RASGRF1: variants seen among roughly 807,000 people sequenced by gnomAD.
RASGRF1 encodes ras-specific guanine nucleotide-releasing factor 1.
A neutral mutation model predicts 138.7 loss-of-function variants in RASGRF1; 40 were observed. That is an observed-to-expected ratio of 0.29 (90% CI 0.22 to 0.38). The LOEUF (loss-of-function observed/expected upper bound fraction) is 0.38. Ranked by LOEUF, RASGRF1 falls within the 10% of genes least tolerant of loss-of-function variation. RASGRF1 has a pLI of 1.00. For missense variants in RASGRF1, 1,108 were observed against 1,650.4 expected (o/e 0.67, Z 5.69); for synonymous variants, 614 against 663.2 (o/e 0.93, Z 1.14).
At chr15:79,017,680 C>A (rs544834865) in intron 12 of RASGRF1, 90 bp downstream of exon 12, 7 of 1,401,348 alleles carry the variant, frequency 5.0e-6, no homozygotes, top group Admixed American at 4.7e-5. Context: ...TACTCCACCA[C>A]CCCCACCCCC....
Position 78,973,350 on chromosome 15 carries a change from G to A in RASGRF1, c.3565C>T (p.Pro1189Ser). ...TDLAFIEEGT[P>S]NYTEDGLVNF... ...ACCAGGCCGTCTTCCGTGTAATTGGGCGTCCCCTCCTCGATGAAGGCCAGG... is the reference window on the plus strand; with the variant it reads ...ACCAGGCCGTCTTCCGTGTAATTGGACGTCCCCTCCTCGATGAAGGCCAGG... The change falls in exon 25 of 27, where the codon CCC becomes TCC. Residue 1189 changes from proline (P) to serine (S), a missense_variant. Pro to Ser is a moderately conservative substitution (Grantham distance 74). This residue lies in a region of RASGRF1 where 686 missense variants were observed against 976.7 expected (regional missense o/e 0.70). Coordinates refer to ENST00000558480, the MANE Select transcript of RASGRF1 (RefSeq NM_001145648.3). The surrounding 1 kb of genome is among the most constrained non-coding windows in gnomAD (Gnocchi z 4.9). The A allele has an allele frequency of 6.2e-7, 1 of 1,613,938 alleles. No individual in the cohort carries two copies. The highest frequency in any genetic ancestry group is 8.5e-7 in the Non-Finnish European group (1 of 1,179,906).
At chr15:79,067,837 A>G (rs1243763332) in intron 1 of RASGRF1, among the ~76,000 whole-genome samples, 1 of 152,106 alleles carries the variant, frequency 6.6e-6, no homozygotes. Flanking sequence ...GGAGAAGCCT[A>G]CAGAGACACA....
Position 79,027,498 on chromosome 15 carries a change from C to T in RASGRF1, c.1381+243G>A, listed in dbSNP as rs2057076923. On this transcript the variant is annotated intron_variant, in intron 9 of 26. Coordinates refer to ENST00000558480, the MANE Select transcript of RASGRF1 (RefSeq NM_001145648.3). The surrounding 1 kb of genome is among the most constrained non-coding windows in gnomAD (Gnocchi z 4.8). Reference sequence around the variant, plus strand: ...AAACCAAGGCCATCTGGGTAGAATTCTGTTTACATCTGGAGAGAAGGAAAC... The same window carrying T: ...AAACCAAGGCCATCTGGGTAGAATTTTGTTTACATCTGGAGAGAAGGAAAC... Among the ~76,000 whole-genome samples, 1 of 152,224 alleles carries T rather than the reference C, an allele frequency of 6.6e-6. No individual in the cohort carries two copies. The highest frequency in any genetic ancestry group is 1.5e-5 in the Non-Finnish European group (1 of 68,040).
At chr15:79,084,918 G>A (rs1411190300) in intron 1 of RASGRF1, among the ~76,000 whole-genome samples, 3 of 152,098 alleles carry the variant, frequency 2.0e-5, no homozygotes, top group African/African-American at 4.8e-5. Context: ...TTTTCCACGT[G>A]AGTGTCTCTT....
chr15:78,978,611 G>T (rs1158250689), intron 24 of RASGRF1: 1 of 994,186 alleles, frequency 1.0e-6, no homozygotes, highest in Non-Finnish European at 1.2e-6. Context: ...GCCCATAGCA[G>T]GACTCCTTCT....
intron 6 of RASGRF1, among the ~76,000 whole-genome samples, chr15:79,033,501 C>T (rs770589408): frequency 4.0e-5 from 6 of 151,646 alleles, no homozygotes; most frequent in Non-Finnish European, 7.4e-5. Context: ...TCTGCCTACC[C>T]TGGCCTCCCA....
At chr15:78,991,250 C>T (rs2056260981) in intron 21 of RASGRF1, among the ~76,000 whole-genome samples, 1 of 152,198 alleles carries the variant, frequency 6.6e-6, no homozygotes. Flanking sequence ...TTGCAGTGAA[C>T]ACCAGGGATG....
intron 19 of RASGRF1, among the ~76,000 whole-genome samples, chr15:78,996,950 G>A (rs1456970740): frequency 6.6e-6 from 1 of 152,216 alleles, no homozygotes; most frequent in Non-Finnish European, 1.5e-5. Flanking sequence ...AAGAGGTGAG[G>A]AGGAAAGGCC....
chr15:79,005,025 G>C, intron 14 of RASGRF1: 1 of 985,548 alleles, frequency 1.0e-6, no homozygotes, highest in South Asian at 4.7e-5. Flanking sequence ...GGAAAGGAAG[G>C]ACACTGTCTG....
At chr15:78,995,688 C>CA in intron 20 of RASGRF1, 52 bp downstream of exon 20, 1 of 1,600,024 alleles carries the variant, frequency 6.2e-7, no homozygotes, top group Non-Finnish European at 8.6e-7. Context: ...GGGTCCTGGG[C>CA]AGGAGGATGG....
chr15:78,967,122 T>C (rs1292768442), intron 26 of RASGRF1, among the ~76,000 whole-genome samples: 1 of 151,776 alleles, frequency 6.6e-6, no homozygotes, highest in African/African-American at 2.4e-5. Flanking sequence ...ACCCTGTCTC[T>C]ATAAAAAAAT....
intron 1 of RASGRF1, among the ~76,000 whole-genome samples, chr15:79,065,916 G>A (rs1238050412): frequency 2.0e-5 from 3 of 151,748 alleles, no homozygotes; most frequent in African/African-American, 4.8e-5. Flanking sequence ...AGTGGGGGGC[G>A]GGGGGAATGA....
chr15:79,068,126 G>A (rs370239816), intron 1 of RASGRF1, among the ~76,000 whole-genome samples: 2 of 152,182 alleles, frequency 1.3e-5, no homozygotes, highest in East Asian at 3.8e-4. Context: ...CAGCCACGGT[G>A]GAGGTAGGTG....
chr15:79,031,874 G>A (rs1595920753), intron 7 of RASGRF1, among the ~76,000 whole-genome samples: 1 of 152,270 alleles, frequency 6.6e-6, no homozygotes, highest in African/African-American at 2.4e-5. Context: ...CCAGGGTCTT[G>A]TCTAGGGCTC....
At chr15:79,040,226 T>C (rs2141014855) in intron 5 of RASGRF1, among the ~76,000 whole-genome samples, 1 of 152,066 alleles carries the variant, frequency 6.6e-6, no homozygotes, top group East Asian at 1.9e-4. Flanking sequence ...GGGAATCACC[T>C]ATCACCCCCT....
intron 26 of RASGRF1, among the ~76,000 whole-genome samples, chr15:78,966,009 A>ACT (rs1384288192): frequency 6.6e-6 from 1 of 152,086 alleles, no homozygotes; most frequent in Non-Finnish European, 1.5e-5. Context: ...AATAAGGCAG[A>ACT]GGGAGGAGCC....
chr15:79,007,238 A>G (rs1416827484), intron 13 of RASGRF1, among the ~76,000 whole-genome samples: 1 of 152,180 alleles, frequency 6.6e-6, no homozygotes, highest in Non-Finnish European at 1.5e-5. Context: ...CTGCTTGTGA[A>G]CTTGAGGTCA....
At chr15:78,967,482 G>C (rs1471744832) in intron 26 of RASGRF1, among the ~76,000 whole-genome samples, 1 of 152,098 alleles carries the variant, frequency 6.6e-6, no homozygotes, top group African/African-American at 2.4e-5. Flanking sequence ...TCATGAGGTC[G>C]AGGCTACAGT....
chr15:79,033,590 T>TTC (rs2141003785), intron 6 of RASGRF1, among the ~76,000 whole-genome samples: 1 of 140,564 alleles, frequency 7.1e-6, no homozygotes, highest in East Asian at 2.0e-4. Flanking sequence ...TCTTTTTTTT[T>TTC]TTTTTTTTTT....
Sources: allele counts gnomAD v4.1 joint callset (sites outside exome capture counted in the v4.1 genomes callset), GRCh38; gene constraint gnomAD v4.1.1; regional missense constraint gnomAD v4.1.1; non-coding constraint Gnocchi (gnomAD v3.1); transcripts MANE v1.5; gene names NCBI Gene and HGNC (gene_info 2026-07-23, HGNC 2026-07-21).